Variants in ISCA1 observed in about 807,000 individuals in gnomAD.
ISCA1 encodes the protein iron-sulfur cluster assembly 1, also known as iron-sulfur cluster assembly 1 homolog, mitochondrial.
A neutral mutation model predicts 14.7 loss-of-function variants in ISCA1; 9 were observed. The observed-to-expected ratio is 0.61, with a 90% CI of 0.37 to 1.07. The LOEUF (loss-of-function observed/expected upper bound fraction) is 1.07. Among genes scored for constraint, ISCA1 ranks in the 50% least tolerant of loss-of-function variants. The pLI, the probability that ISCA1 is intolerant of heterozygous loss-of-function variation, is 0.01. For synonymous variants in ISCA1, 38 were observed against 54.3 expected (o/e 0.70, Z 1.32); for missense variants, 102 against 150.1 (o/e 0.68, Z 1.67).
rs1310988090 is a variant in ISCA1, at chr9:86,264,681, C to T, written c.*1362G>A. On this transcript the variant is annotated 3_prime_UTR_variant, in exon 4 of 4. Transcript: ENST00000375991. ...CTCATGAGCATTTACATAAAACTAC[C>T]GCTCTAGGTTTTGGTGTGTTTTGTG... 4 of 152,404 alleles carry T rather than the reference C, an allele frequency of 2.6e-5. No homozygotes were observed. Among genetic ancestry groups the T allele is most frequent in the Admixed American group, 2.6e-4 (4 of 15,252 alleles). 9.4% of individuals were successfully genotyped at this position (152,404 alleles called of 1,614,324 possible). A position where few individuals can be genotyped will look rare whatever the true frequency, so the allele number is the denominator to read the frequency against.
In ISCA1 at chr9:86,279,828, C is replaced by A. The variant is rs375533109; in HGVS notation, c.81+2550G>T. Among the ~76,000 whole-genome samples the A allele has an allele frequency of 1.1e-4, 16 of 152,292 alleles. 1 individual carries two copies. The highest frequency in any genetic ancestry group is 3.3e-4 in the Admixed American group (5 of 15,296). ...ATACATGCTGATGATAAACTAAGCA[C>A]AAAGAGCAATACATGCCATAGTGTC... On this transcript the variant is annotated intron_variant, in intron 1 of 3. Transcript: ENST00000375991.
intron 1 of ISCA1, chr9:86,282,159 T>A (rs1825527207): frequency 1.7e-6 from 1 of 571,452 alleles, no homozygotes; most frequent in East Asian, 3.2e-5. Context: ...GAAACGTAGT[T>A]TCCGGGGCCA....
intron 3 of ISCA1, among the ~76,000 whole-genome samples, chr9:86,268,898 C>T (rs554018250): frequency 6.6e-6 from 1 of 152,200 alleles, no homozygotes; most frequent in African/African-American, 2.4e-5. Context: ...GGGGTTCAAG[C>T]GATTCTCCTG....
rs1825524544 is a variant in ISCA1, at chr9:86,282,059, C to A, written c.81+319G>T. ...AACCGGAACGGCCGAACAGCGCAGG[C>A]CGGCAGGAGTGTGGAGGCGATCGGC... On this transcript the variant is annotated intron_variant, in intron 1 of 3. Coordinates refer to ENST00000375991, the MANE Select transcript of ISCA1 (RefSeq NM_030940.4). 4 of 363,146 alleles carry A rather than the reference C, an allele frequency of 1.1e-5. No homozygotes were observed. The East Asian group carries it at 2.1e-4, about 19-fold the overall frequency. The allele number at this position is 363,146 out of a possible 1,614,324, so 22.5% of individuals were successfully genotyped here. A position where few individuals can be genotyped will look rare whatever the true frequency, so the allele number is the denominator to read the frequency against.
intron 2 of ISCA1, among the ~76,000 whole-genome samples, chr9:86,273,495 T>C (rs1825400371): frequency 1.3e-5 from 2 of 152,154 alleles, no homozygotes; most frequent in Admixed American, 1.3e-4. Context: ...TCAAACTTGT[T>C]CAATGGAATA....
chr9:86,267,103 T>A (rs1287930887), intron 3 of ISCA1: 1 of 153,980 alleles, frequency 6.5e-6, no homozygotes, highest in East Asian at 1.9e-4. Context: ...TGGGCACCTG[T>A]AGTCCCAGCT....
chr9:86,273,184 G>A (rs774568276), intron 2 of ISCA1, among the ~76,000 whole-genome samples: 1 of 152,196 alleles, frequency 6.6e-6, no homozygotes, highest in African/African-American at 2.4e-5. Flanking sequence ...TTGTAATGTA[G>A]TAGGTTAACA....
intron 3 of ISCA1, among the ~76,000 whole-genome samples, chr9:86,271,174 G>A (rs1311864241): frequency 6.6e-6 from 1 of 152,036 alleles, no homozygotes; most frequent in Non-Finnish European, 1.5e-5. Context: ...CATTGTGTCA[G>A]AACTGTGCAC....
At chr9:86,276,785 C>T (rs1186020468) in intron 1 of ISCA1, among the ~76,000 whole-genome samples, 1 of 144,174 alleles carries the variant, frequency 6.9e-6, no homozygotes, top group Non-Finnish European at 1.5e-5. Context: ...GCATGAGAAT[C>T]GCTTGAACCC....
chr9:86,269,601 A>C (rs1253123156), intron 3 of ISCA1, among the ~76,000 whole-genome samples: 1 of 151,630 alleles, frequency 6.6e-6, no homozygotes, highest in East Asian at 1.9e-4. Flanking sequence ...TTTAAAGTTC[A>C]TATGGAACCA....
At chr9:86,275,113 G>C (rs773622830) in intron 1 of ISCA1, among the ~76,000 whole-genome samples, 16 of 152,126 alleles carry the variant, frequency 1.1e-4, no homozygotes, top group Non-Finnish European at 1.9e-4. Flanking sequence ...GTGAAACAGG[G>C]ATAACAGTTC....
intron 3 of ISCA1, among the ~76,000 whole-genome samples, chr9:86,270,678 G>T (rs1587818576): frequency 6.6e-6 from 1 of 152,040 alleles, no homozygotes; most frequent in Middle Eastern, 3.4e-3. Context: ...CAATAGCAAA[G>T]ACTTGGAACC....
intron 3 of ISCA1, among the ~76,000 whole-genome samples, chr9:86,271,082 T>TA (rs1304583677): frequency 2.0e-5 from 3 of 150,044 alleles, no homozygotes; most frequent in Admixed American, 6.6e-5. Context: ...CCCTAAAACT[T>TA]AAAGTATAAT....
intron 3 of ISCA1, among the ~76,000 whole-genome samples, chr9:86,266,710 G>T (rs1201772536): frequency 6.6e-6 from 1 of 151,976 alleles, no homozygotes; most frequent in African/African-American, 2.4e-5. Context: ...ACAGGTAGAG[G>T]TCAGCATCTT....
intron 1 of ISCA1, among the ~76,000 whole-genome samples, chr9:86,279,309 T>C (rs1825480900): frequency 6.6e-6 from 1 of 152,188 alleles, no homozygotes; most frequent in Admixed American, 6.5e-5. Flanking sequence ...TCCTACAAAT[T>C]AGAGTTGCTC....
At chr9:86,280,057 T>C (rs773668721) in intron 1 of ISCA1, among the ~76,000 whole-genome samples, 11 of 152,140 alleles carry the variant, frequency 7.2e-5, no homozygotes, top group Non-Finnish European at 1.6e-4. Context: ...CATGGATACC[T>C]TGAGAACTGC....
At chr9:86,266,277 G>C in intron 3 of ISCA1, 86 bp from the exon 4 acceptor site, 3 of 1,498,334 alleles carry the variant, frequency 2.0e-6, no homozygotes, top group Non-Finnish European at 2.7e-6. Flanking sequence ...TTGAAATAGT[G>C]ACTATCAATG....
chr9:86,275,726 C>CT (rs1368348007), intron 1 of ISCA1, among the ~76,000 whole-genome samples: 2 of 152,302 alleles, frequency 1.3e-5, no homozygotes, highest in African/African-American at 4.8e-5. Context: ...AGGTGGGCCT[C>CT]TAAAGGCCCA....
intron 1 of ISCA1, among the ~76,000 whole-genome samples, chr9:86,280,363 A>G (rs1035560372): frequency 6.6e-6 from 1 of 152,062 alleles, no homozygotes. Flanking sequence ...AGACGAGTGG[A>G]TCACGAGGTC....
Sources: gnomAD v4.1 joint callset for allele counts (sites outside exome capture counted in the v4.1 genomes callset) on GRCh38, gnomAD v4.1.1 for gene constraint, MANE v1.5 for transcripts, NCBI Gene and HGNC (gene_info 2026-07-23, HGNC 2026-07-21) for gene names.